The following OLFML2B variants were observed in gnomAD, a reference collection of about 807,000 sequenced individuals.
OLFML2B encodes the protein olfactomedin-like protein 2B.
OLFML2B carries 57 observed loss-of-function variants against 74.9 expected under a neutral mutation model. That is an observed-to-expected ratio of 0.76 (90% CI 0.61 to 0.95). The LOEUF (loss-of-function observed/expected upper bound fraction) is 0.95, where lower values mean the gene tolerates loss of function less well. OLFML2B is among the 40% of genes least tolerant of loss of function. The pLI is 0.00. For missense variants in OLFML2B, 986 were observed against 970.6 expected (o/e 1.02, Z -0.21); for synonymous variants, 388 against 405.8 (o/e 0.96, Z 0.53).
chr1:162,012,377 A>T (rs1690415243), intron 3 of OLFML2B, among the ~76,000 whole-genome samples: 1 of 152,204 alleles, frequency 6.6e-6, no homozygotes. Flanking sequence ...TGCTTCTTTG[A>T]TCATGCCTTT....
rs1238605377 is a variant in OLFML2B at position 161,983,367 on chromosome 1, T to C, written c.*308A>G. 4.6e-6 allele frequency: 1 copy of C among 215,172 alleles called. No homozygotes were observed. Among genetic ancestry groups the C allele is most frequent in the East Asian group, 1.0e-4 (1 of 9,624 alleles). The allele number at this position is 215,172 out of a possible 1,614,324, so 13.3% of individuals were successfully genotyped here. ...GACCCAGATGAAGAAACCTTTTCAATGGTCGAGATCTGAGACTTGGAGCTG... is the reference window on the plus strand; with the variant it reads ...GACCCAGATGAAGAAACCTTTTCAACGGTCGAGATCTGAGACTTGGAGCTG... On this transcript the variant is annotated 3_prime_UTR_variant, in exon 8 of 8. Coordinates refer to ENST00000294794, the MANE Select transcript of OLFML2B (RefSeq NM_015441.3).
intron 1 of OLFML2B, 59 bp from the exon 2 acceptor site, chr1:162,020,241 A>C (rs1690664891): frequency 1.3e-6 from 2 of 1,580,514 alleles, no homozygotes; most frequent in Admixed American, 1.7e-5. Flanking sequence ...CAGCCTCCAG[A>C]AGGAGGCTCT....
At chr1:161,991,491 T>C (rs1356321991) in intron 6 of OLFML2B, among the ~76,000 whole-genome samples, 1 of 152,122 alleles carries the variant, frequency 6.6e-6, no homozygotes, top group Non-Finnish European at 1.5e-5. Flanking sequence ...TCCCAGCACT[T>C]TGGGAGGCCG....
chr1:162,003,168 C>A (rs933708001), intron 4 of OLFML2B, among the ~76,000 whole-genome samples: 1 of 152,166 alleles, frequency 6.6e-6, no homozygotes, highest in African/African-American at 2.4e-5. Flanking sequence ...AACTTGCCTG[C>A]CATCCAAAAA....
At chr1:161,986,754 C>A (rs1689601535) in intron 6 of OLFML2B, among the ~76,000 whole-genome samples, 3 of 152,210 alleles carry the variant, frequency 2.0e-5, no homozygotes, top group Non-Finnish European at 4.4e-5. Flanking sequence ...CTGAGGTGAG[C>A]CCTAGCTCAC....
Position 161,983,853 on chromosome 1 carries a change from C to T in OLFML2B, c.2075G>A (p.Arg692Gln), listed in dbSNP as rs755213810. 8.1e-6 allele frequency: 13 copies of T among 1,614,132 alleles called. No homozygotes were observed. Among genetic ancestry groups the T allele is most frequent in the African/African-American group, 6.7e-5 (5 of 75,020 alleles). The change falls in exon 8 of 8, where the codon CGG (arginine) becomes CAG (glutamine). Residue 692 changes from arginine to glutamine, a missense_variant. Transcript: ENST00000294794. ...VLYAVDSYNQ[R>Q]NANISYAFDT... ...GAAAGCGTAGGAGATGTTGGCATTC[C>T]GCTGGTTGTAGCTATCCACGGCATA...
intron 5 of OLFML2B, among the ~76,000 whole-genome samples, chr1:161,999,187 A>G (rs553976634): frequency 1.6e-4 from 25 of 152,366 alleles, no homozygotes; most frequent in African/African-American, 6.0e-4. Flanking sequence ...AACATTTCTT[A>G]GAGAGGACAC....
At position 161,984,239 on chromosome 1, in the gene OLFML2B, C is replaced by G. The variant is rs747476209; in HGVS notation, c.1689G>C (p.Trp563Cys). ...TGTATACCACGTGGCCTGTGCCGAT[C>G]CAGCTGTACGGGAGCTTGTAGGAAT... ...WSNSYKLPYS[W>C]IGTGHVVYNG... is the part of the protein sequence containing the mutation. The change falls in exon 8 of 8, where the codon TGG (tryptophan) becomes TGC (cysteine). Residue 563 changes from tryptophan to cysteine, a missense_variant. Trp to Cys is a radical substitution (Grantham distance 215). Transcript: ENST00000294794. 1.3e-6 allele frequency: 2 copies of G among 1,535,448 alleles called. No individual in the cohort carries two copies. The highest frequency in any genetic ancestry group is 4.5e-5 in the East Asian group (2 of 44,242).
rs1690666894 is a variant in OLFML2B, at chr1:162,020,311, GAGCC to G, written c.175-133_175-130del. 4 of 1,022,312 alleles carry G rather than the reference GAGCC, an allele frequency of 3.9e-6. No homozygotes were observed. The African/African-American group carries it at 4.8e-5, about 12-fold the overall frequency. The allele number at this position is 1,022,312 out of a possible 1,614,324, so 63.3% of individuals were successfully genotyped here. On this transcript the variant is annotated intron_variant, in intron 1 of 7. Transcript: ENST00000294794. ...AGACCTCAGAAAACTCTGAACCACA[GAGCC>G]AATAGGTCACTGAGATGCAGTTTGC...
In OLFML2B at chr1:161,983,706, T is replaced by C. The variant is rs769572836; in HGVS notation, c.2222A>G (p.Gln741Arg). ...RLLYAWDNGH[Q>R]VTYHVIFAY ...GGCAAAGATGACATGGTAAGTGACC[T>C]GGTGGCCATTGTCCCAGGCATAGAG... The change falls in exon 8 of 8, where the codon CAG becomes CGG. Residue 741 changes from glutamine (Q) to arginine (R), a missense_variant. Transcript: ENST00000294794. The C allele has an allele frequency of 1.2e-6, 2 of 1,611,962 alleles. No homozygotes were observed. Among genetic ancestry groups the C allele is most frequent in the South Asian group, 2.2e-5 (2 of 91,040 alleles).
rs746403772 is a variant in OLFML2B, at chr1:161,984,088, A to G, written c.1840T>C (p.Trp614Arg). The change falls in exon 8 of 8, where the codon TGG becomes CGG. Residue 614 changes from tryptophan to arginine, a missense_variant. Trp to Arg is a moderately radical substitution (Grantham distance 101). Transcript: ENST00000294794. Reference protein sequence around the residue: ...VAYEEATPWRWQGHSDVDFAV... With the variant: ...VAYEEATPWRRQGHSDVDFAV... ...AAGTCCACGTCTGAGTGGCCCTGCC[A>G]TCGCCAGGGGGTGGCCTCCTCGTAG... 4.3e-6 allele frequency: 7 copies of G among 1,612,758 alleles called. No individual in the cohort carries two copies. The highest frequency in any genetic ancestry group is 5.9e-6 in the Non-Finnish European group (7 of 1,179,062).
chr1:162,017,341 G>A (rs1295889085), intron 3 of OLFML2B, 59 bp downstream of exon 3: 20 of 1,313,406 alleles, frequency 1.5e-5, no homozygotes, highest in Admixed American at 5.4e-5. Context: ...ACTGTGGGAC[G>A]TTTGATATGC....
Position 162,009,011 on chromosome 1 carries a change from G to A in OLFML2B, c.547-2538C>T, listed in dbSNP as rs144379242. On this transcript the variant is annotated intron_variant, in intron 3 of 7. Coordinates refer to ENST00000294794, the MANE Select transcript of OLFML2B (RefSeq NM_015441.3). ...AGACAGATCACCAAGCCCAGCAGGT[G>A]CAGGGATTCAATGTGTTACCTTTTT... Among the ~76,000 whole-genome samples, 240 of 152,312 alleles carry A rather than the reference G, an allele frequency of 1.6e-3. 1 individual carries two copies. The highest frequency in any genetic ancestry group is 5.4e-3 in the African/African-American group (223 of 41,570).
Position 162,000,320 on chromosome 1 carries a change from G to C in OLFML2B, c.742C>G (p.Gln248Glu), listed in dbSNP as rs1014759926. The change falls in exon 5 of 8, where the codon CAG becomes GAG. Residue 248 changes from glutamine (Q) to glutamate (E), a missense_variant. Transcript: ENST00000294794. ...AHPEYEERFL[Q>E]EETVSQQINS... Reference sequence around the variant, plus strand: ...ATCTGCTGGGACACGGTTTCTTCCTGCAGAAACCGCTCTTCATACTGCTCC... The same window carrying C: ...ATCTGCTGGGACACGGTTTCTTCCTCCAGAAACCGCTCTTCATACTGCTCC... 5.6e-6 allele frequency: 9 copies of C among 1,612,444 alleles called. No homozygotes were observed. Among genetic ancestry groups the C allele is most frequent in the Non-Finnish European group, 7.6e-6 (9 of 1,179,932 alleles).
Position 162,019,900 on chromosome 1 carries a change from GC to G in OLFML2B, c.438+18del, listed in dbSNP as rs1482615172. On this transcript the variant is annotated intron_variant, in intron 2 of 7. Coordinates refer to ENST00000294794, the MANE Select transcript of OLFML2B (RefSeq NM_015441.3). ...AAAGTGCCCTCTCGTCCAAGGCATT[GC>G]CCCATACCAGGTCCTACCTTCAAGT... is the stretch of plus-strand genomic sequence containing the variant. 1 of 1,612,810 alleles carries G rather than the reference GC, an allele frequency of 6.2e-7. No individual in the cohort carries two copies. The highest frequency in any genetic ancestry group is 8.5e-7 in the Non-Finnish European group (1 of 1,179,318).
chr1:162,007,560 G>A (rs967842900), intron 3 of OLFML2B, among the ~76,000 whole-genome samples: 8 of 152,138 alleles, frequency 5.3e-5, no homozygotes, highest in Admixed American at 4.6e-4. Flanking sequence ...ATGAGGTTGA[G>A]GAAGCAATGA....
rs781392324 is a variant in OLFML2B at position 162,000,262 on chromosome 1, A to T, written c.800T>A (p.Leu267Gln). 8.1e-6 allele frequency: 13 copies of T among 1,613,584 alleles called. No homozygotes were observed. Among genetic ancestry groups the T allele is most frequent in the Non-Finnish European group, 1.1e-5 (13 of 1,180,026 alleles). Residue 267 changes from leucine (L) to glutamine (Q), a missense_variant, in exon 5 of 8, where the codon CTG (leucine) becomes CAG (glutamine). Transcript: ENST00000294794. ...NSIELLQTRPLALPEVVKSQR... is the reference protein window; with the variant it reads ...NSIELLQTRPQALPEVVKSQR... ...TGACTTCACCACCTCAGGCAGAGCC[A>T]GGGGTCGCGTCTGCAGAAGTTCGAT... is the stretch of plus-strand genomic sequence containing the variant.
At chr1:162,014,416 T>C (rs760009599) in intron 3 of OLFML2B, among the ~76,000 whole-genome samples, 14 of 152,192 alleles carry the variant, frequency 9.2e-5, no homozygotes, top group Non-Finnish European at 2.1e-4. Context: ...GGTGGAACTG[T>C]GGCTATATCC....
chr1:161,997,237 C>A (rs1224288468), intron 6 of OLFML2B, among the ~76,000 whole-genome samples: 1 of 152,202 alleles, frequency 6.6e-6, no homozygotes, highest in Non-Finnish European at 1.5e-5. Flanking sequence ...GTTTCCCCAG[C>A]CTTCCTGGCA....
Sources: gnomAD v4.1 joint callset for allele counts (sites outside exome capture counted in the v4.1 genomes callset) on GRCh38, gnomAD v4.1.1 for gene constraint, MANE v1.5 for transcripts, NCBI Gene and HGNC (gene_info 2026-07-23, HGNC 2026-07-21) for gene names.